MITD1: variants seen among roughly 807,000 people sequenced by gnomAD.
MITD1 encodes the protein microtubule interacting and trafficking domain containing 1.
A neutral mutation model predicts 34.9 loss-of-function variants in MITD1; 24 were observed. The ratio of observed to expected loss-of-function variants is 0.69; its 90% confidence interval spans 0.50 to 0.97. The LOEUF (loss-of-function observed/expected upper bound fraction) is 0.97, where lower values mean the gene tolerates loss of function less well. Among genes scored for constraint, MITD1 ranks in the 50% least tolerant of loss-of-function variants. The pLI is 0.00. For synonymous variants in MITD1, 102 were observed against 101.4 expected, an observed-to-expected ratio of 1.01 and a Z score of -0.04; for missense variants, 266 against 294.6, an observed-to-expected ratio of 0.90 and a Z score of 0.71.
At chr2:99,163,707 T>C (rs998380308) in intron 7 of MITD1, among the ~76,000 whole-genome samples, 2 of 152,146 alleles carry the variant, frequency 1.3e-5, no homozygotes, top group African/African-American at 4.8e-5. Flanking sequence ...ATATATAATA[T>C]TGGACACTCT....
chr2:99,173,500 C>G (rs1028958693), intron 2 of MITD1: 1 of 469,792 alleles, frequency 2.1e-6, no homozygotes, highest in African/African-American at 2.0e-5. Flanking sequence ...GTTTCTTTAG[C>G]TTCTTTCATG....
intron 1 of MITD1, among the ~76,000 whole-genome samples, chr2:99,174,539 C>G (rs185411835): frequency 4.0e-4 from 61 of 152,252 alleles, no homozygotes; most frequent in Admixed American, 3.5e-3. Flanking sequence ...ACTTCTTGTT[C>G]CTTCCCTTTT....
chr2:99,164,637 A>C (rs983548054), downstream of MITD1, among the ~76,000 whole-genome samples: 3 of 152,140 alleles, frequency 2.0e-5, no homozygotes, highest in Non-Finnish European at 4.4e-5. Flanking sequence ...TTATTTTTCA[A>C]GGTGTTCTTG....
Position 99,180,879 on chromosome 2 carries a change from G to T in MITD1, c.103C>A (p.Leu35Met), listed in dbSNP as rs756324338. 1 of 1,614,190 alleles carries T rather than the reference G, an allele frequency of 6.2e-7. No individual in the cohort carries two copies. The highest frequency in any genetic ancestry group is 1.3e-5 in the African/African-American group (1 of 75,050). Residue 35 changes from leucine (L) to methionine (M), a missense_variant, in exon 1 of 7, where the codon CTG (leucine) becomes ATG (methionine). Physicochemically the swap from Leu to Met is conservative, Grantham distance 15 (BLOSUM62 2). Coordinates refer to ENST00000289359, the MANE Select transcript of MITD1 (RefSeq NM_138798.3). ...TCAATCCCCTCTTGGTAACACACCA[G>T]AGCCTGCGGATACCGCGACTCCGAA... ...LDSESRYPQALVCYQEGIDLL... is the reference protein window; with the variant it reads ...LDSESRYPQAMVCYQEGIDLL...
rs902525341 is a variant in MITD1 at position 99,173,954 on chromosome 2, C to T, written c.214G>A (p.Ala72Thr). 4.3e-6 allele frequency: 7 copies of T among 1,610,360 alleles called. No individual in the cohort carries two copies. In the South Asian group the frequency reaches 5.5e-5, roughly 13 times the overall value. Reference protein sequence around the residue: ...REKISKYMDRAENIKKYLDQE... With the variant: ...REKISKYMDRTENIKKYLDQE... ...TCCAAGTACTTCTTTATGTTTTCCG[C>T]TCTGTCCATGTATTTGGAAATTTTT... is the stretch of plus-strand genomic sequence containing the variant. Residue 72 changes from alanine (A) to threonine (T), a missense_variant, in exon 2 of 7, where the codon GCG (alanine) becomes ACG (threonine). By Grantham distance (58) the Ala-to-Thr change is moderately conservative. Coordinates refer to ENST00000289359, the MANE Select transcript of MITD1 (RefSeq NM_138798.3).
At position 99,170,549 on chromosome 2, in the gene MITD1, T is replaced by C. The variant is rs1427067887; in HGVS notation, c.581A>G (p.Asp194Gly). ...LEVQYSSSIH[D>G]REIRFNNGWM... ...ATTGTAGACTAACCTAATTTCTCGGTCATGTATTGAAGAAGAGTATTGAAC... is the reference window on the plus strand; with the variant it reads ...ATTGTAGACTAACCTAATTTCTCGGCCATGTATTGAAGAAGAGTATTGAAC... The change falls in exon 5 of 7, where the codon GAC (aspartate) becomes GGC (glycine). Residue 194 changes from aspartate (D) to glycine (G), a missense_variant. Physicochemically the swap from Asp to Gly is moderately conservative, Grantham distance 94 (BLOSUM62 -1). Coordinates refer to ENST00000289359, the MANE Select transcript of MITD1 (RefSeq NM_138798.3). 2 of 1,519,032 alleles carry C rather than the reference T, an allele frequency of 1.3e-6. No homozygotes were observed. Among genetic ancestry groups the C allele is most frequent in the South Asian group, 2.3e-5 (2 of 85,256 alleles). The allele number at this position is 1,519,032 out of a possible 1,614,324, so 94.1% of individuals were successfully genotyped here. A position where few individuals can be genotyped will look rare whatever the true frequency, so the allele number is the denominator to read the frequency against.
chr2:99,173,899 A>C lies in MITD1; in HGVS notation c.253+16T>G, dbSNP rs564812578. The C allele has an allele frequency of 6.6e-7, 1 of 1,526,054 alleles. No individual in the cohort carries two copies. The highest frequency in any genetic ancestry group is 1.1e-5 in the South Asian group (1 of 88,806). 94.5% of individuals were successfully genotyped at this position (1,526,054 alleles called of 1,614,324 possible). A position where few individuals can be genotyped will look rare whatever the true frequency, so the allele number is the denominator to read the frequency against. On this transcript the variant is annotated intron_variant, in intron 2 of 6. Coordinates refer to ENST00000289359, the MANE Select transcript of MITD1 (RefSeq NM_138798.3). The stretch of plus-strand genomic sequence containing the variant: ...ACAGTTGTTTATGGATGCATTTTCT[A>C]AAACAACCTCTTTACCTTCTTTTTC...
At position 99,162,693 on chromosome 2, in the gene MITD1, C is replaced by G. The variant is rs2093805866; in HGVS notation, c.*4-475G>C. 22 of 1,614,156 alleles carry G rather than the reference C, an allele frequency of 1.4e-5. No individual in the cohort carries two copies. Among genetic ancestry groups the G allele is most frequent in the Non-Finnish European group, 1.8e-5 (21 of 1,180,016 alleles). ...TTATCATCAAATTGATAATCACATT[C>G]ACCTAATAAACCCAACGGATGAGAC... On this transcript the variant is annotated intron_variant, in intron 7 of 7. Transcript: ENST00000422537.
rs757567822 is a variant in MITD1, at chr2:99,162,765, G to A, written c.*4-547C>T. The A allele has an allele frequency of 3.1e-6, 5 of 1,614,122 alleles. No individual in the cohort carries two copies. The Admixed American group carries it at 8.3e-5, about 27-fold the overall frequency. ...CAAAGCCAAAGAACTGCAAACTTGG[G>A]AGTGGATATATGGCAAAACTCCAAA... On this transcript the variant is annotated intron_variant, in intron 7 of 7. Transcript: ENST00000422537.
chr2:99,171,854 A>G (rs1559178340), intron 2 of MITD1: 2 of 510,678 alleles, frequency 3.9e-6, no homozygotes, highest in South Asian at 5.4e-5. Context: ...TCCATTAGTG[A>G]TTTCTGCCTT....
In MITD1 at chr2:99,171,529, T is replaced by C. The variant is rs1362475333; in HGVS notation, c.371A>G (p.Tyr124Cys). The C allele has an allele frequency of 1.1e-5, 17 of 1,610,548 alleles. No individual in the cohort carries two copies. Among genetic ancestry groups the C allele is most frequent in the Non-Finnish European group, 1.4e-5 (16 of 1,177,112 alleles). The change falls in exon 3 of 7, where the codon TAT becomes TGT. Residue 124 changes from tyrosine to cysteine, a missense_variant. Tyr to Cys is a radical substitution (Grantham distance 194). Coordinates refer to ENST00000289359, the MANE Select transcript of MITD1 (RefSeq NM_138798.3). ...TVTEVWIEDP[Y>C]IRHTHQLYNF... Reference sequence around the variant, plus strand: ...ACATACCTGATGAGTATGTCTAATATAAGGATCTTCTATCCAAACTTCTGT... The same window carrying C: ...ACATACCTGATGAGTATGTCTAATACAAGGATCTTCTATCCAAACTTCTGT...
chr2:99,176,364 G>A (rs929644701), intron 1 of MITD1, among the ~76,000 whole-genome samples: 14 of 147,266 alleles, frequency 9.5e-5, no homozygotes, highest in African/African-American at 2.5e-4. Flanking sequence ...ACGGAGTCTC[G>A]CTGTGTTGCC....
intron 7 of MITD1, among the ~76,000 whole-genome samples, chr2:99,163,700 TATA>T (rs1279835146): frequency 6.6e-6 from 1 of 152,160 alleles, no homozygotes; most frequent in East Asian, 1.9e-4. Flanking sequence ...TGGGGCTATA[TATA>T]ATATTGGACA....
In MITD1 at chr2:99,178,520, T is replaced by A. The variant is rs147746258; in HGVS notation, c.151+2311A>T. ...TAGGAAGAGAACAATAAAAATAAAT[T>A]GGCAAAACATGTATATTAGATTGAG... On this transcript the variant is annotated intron_variant, in intron 1 of 6. Transcript: ENST00000289359. 4.6e-5 allele frequency among the ~76,000 whole-genome samples: 7 copies of A among 152,252 alleles called. No individual in the cohort carries two copies. In the East Asian group the frequency reaches 1.4e-3, roughly 29 times the overall value.
At position 99,163,140 on chromosome 2, in the gene MITD1, T is replaced by C; in HGVS notation, c.*4-922A>G. 3.4e-6 allele frequency: 4 copies of C among 1,193,592 alleles called. No individual in the cohort carries two copies. In the South Asian group the frequency reaches 6.9e-5, roughly 21 times the overall value. 73.9% of individuals were successfully genotyped at this position (1,193,592 alleles called of 1,614,324 possible). A position where few individuals can be genotyped will look rare whatever the true frequency, so the allele number is the denominator to read the frequency against. On this transcript the variant is annotated intron_variant, in intron 7 of 7. Coordinates refer to the MITD1 transcript ENST00000422537. ...AAATAAAATGTCTCATACTTGCACA[T>C]TGTATGTCAAAAAAAAACCTAGTCT...
chr2:99,163,138 C>T, intron 7 of MITD1: 1 of 891,314 alleles, frequency 1.1e-6, no homozygotes, highest in South Asian at 2.7e-5. Context: ...CATACTTGCA[C>T]ATTGTATGTC....
chr2:99,163,480 C>G (rs1345897319), intron 7 of MITD1, among the ~76,000 whole-genome samples: 1 of 151,926 alleles, frequency 6.6e-6, no homozygotes, highest in African/African-American at 2.4e-5. Flanking sequence ...GGTTTTGTCA[C>G]CATGCCCAGC....
chr2:99,166,744 T>A (rs189540443), downstream of MITD1, among the ~76,000 whole-genome samples: 993 of 151,160 alleles, frequency 6.6e-3, 12 homozygotes, highest in African/African-American at 0.023. Context: ...CTCATTTTTT[T>A]AACTTAGCTT....
chr2:99,176,335 CTT>C (rs34969455), intron 1 of MITD1, among the ~76,000 whole-genome samples: 2 of 143,654 alleles, frequency 1.4e-5, no homozygotes, highest in African/African-American at 2.6e-5. Context: ...AATTCATAAA[CTT>C]TTTTTTTTTT....
Sources: gnomAD v4.1 joint callset for allele counts (sites outside exome capture counted in the v4.1 genomes callset) on GRCh38, gnomAD v4.1.1 for gene constraint, MANE v1.5 for transcripts, NCBI Gene and HGNC (gene_info 2026-07-23, HGNC 2026-07-21) for gene names.